SATB2: variants seen among roughly 807,000 people sequenced by gnomAD.
SATB2 encodes SATB homeobox 2, also known as DNA-binding protein SATB2.
In SATB2, 1 loss-of-function variant was observed where a neutral mutation model predicts 73.4. The observed-to-expected ratio is 0.01, with a 90% CI of 0.00 to 0.06. The LOEUF (loss-of-function observed/expected upper bound fraction) is 0.06, where lower values mean the gene tolerates loss of function less well. Ranked by LOEUF, SATB2 falls within the 10% of genes least tolerant of loss-of-function variation. The probability of loss-of-function intolerance (pLI) is 1.00; values close to 1 mark genes in which losing one functional copy is unlikely to be tolerated. For missense variants in SATB2, 459 were observed against 945.8 expected (o/e 0.49, Z 6.75); for synonymous variants, 397 against 367.0 (o/e 1.08, Z -0.93).
upstream of SATB2, chr2:199,459,663 A>C (rs948514041): frequency 6.6e-6 from 1 of 152,652 alleles, no homozygotes; most frequent in African/African-American, 2.4e-5. The surrounding 1 kb of genome is among the most constrained non-coding windows in gnomAD (Gnocchi z 4.2). Flanking sequence ...GCTCTCCCAC[A>C]TCTCCCGCAG....
chr2:199,465,486 A>G (rs1692576012), upstream of SATB2, among the ~76,000 whole-genome samples: 1 of 152,254 alleles, frequency 6.6e-6, no homozygotes, highest in Admixed American at 6.5e-5. Flanking sequence ...TCTATATGAT[A>G]AAACGTTGTA....
intron 10 of SATB2, among the ~76,000 whole-genome samples, chr2:199,287,999 A>C (rs1173664417): frequency 6.6e-6 from 1 of 152,186 alleles, no homozygotes; most frequent in Non-Finnish European, 1.5e-5. Context: ...TTTAGCACAA[A>C]TTTCTTTTAG....
chr2:199,373,263 G>A (rs116442814), intron 5 of SATB2, among the ~76,000 whole-genome samples: 2,073 of 151,904 alleles, frequency 0.014, 25 homozygotes, highest in Middle Eastern at 0.034. Flanking sequence ...GCTCATTTTC[G>A]GCCTTTTCAA....
intron 5 of SATB2, among the ~76,000 whole-genome samples, chr2:199,373,791 G>A (rs1433231164): frequency 2.0e-5 from 3 of 152,162 alleles, no homozygotes; most frequent in Admixed American, 6.5e-5. Context: ...ATGAGTCCAC[G>A]AGGTTGGGAC....
chr2:199,343,255 A>C (rs765110979), intron 7 of SATB2, among the ~76,000 whole-genome samples: 1 of 152,210 alleles, frequency 6.6e-6, no homozygotes, highest in African/African-American at 2.4e-5. Context: ...CAAATCCAGG[A>C]ACACAAAATA....
At chr2:199,380,251 A>T in intron 5 of SATB2, 113 bp downstream of exon 5, 1 of 1,317,578 alleles carries the variant, frequency 7.6e-7, no homozygotes, top group Non-Finnish European at 1.1e-6. Flanking sequence ...AATGCAGTTT[A>T]AGTCTATAAA....
At chr2:199,319,493 C>T (rs1434080542) in intron 9 of SATB2, among the ~76,000 whole-genome samples, 1 of 152,112 alleles carries the variant, frequency 6.6e-6, no homozygotes, top group Non-Finnish European at 1.5e-5. Flanking sequence ...TCTTTTTCCC[C>T]TTGTCTGTAT....
chr2:199,363,974 T>C (rs561205736), intron 6 of SATB2, among the ~76,000 whole-genome samples: 14 of 152,236 alleles, frequency 9.2e-5, no homozygotes, highest in Middle Eastern at 6.8e-3. Context: ...CAAAAGTAAG[T>C]TACTTTTACC....
chr2:199,407,288 C>CCA (rs770802921), intron 3 of SATB2, among the ~76,000 whole-genome samples: 1 of 77,536 alleles, frequency 1.3e-5, no homozygotes, highest in African/African-American at 4.5e-5. Context: ...TCTTGTCTCC[C>CCA]AAAAAAAAAA....
chr2:199,330,216 G>C (rs1371217751), intron 7 of SATB2, among the ~76,000 whole-genome samples: 2 of 152,174 alleles, frequency 1.3e-5, no homozygotes, highest in East Asian at 3.9e-4. Context: ...GGGAAAGGTA[G>C]GCAATGTTTT....
At position 199,271,386 on chromosome 2, in the gene SATB2, T is replaced by C. The variant is rs1692150118; in HGVS notation, c.*825A>G. 6.5e-6 allele frequency: 1 copy of C among 152,692 alleles called. No homozygotes were observed. Among genetic ancestry groups the C allele is most frequent in the Non-Finnish European group, 1.5e-5 (1 of 68,016 alleles). 9.5% of individuals were successfully genotyped at this position (152,692 alleles called of 1,614,324 possible). On this transcript the variant is annotated 3_prime_UTR_variant, in exon 11 of 11. Transcript: ENST00000417098. The stretch of plus-strand genomic sequence containing the variant: ...AATAACGGAACGTAGCAAGTCATTT[T>C]ATTGAGTCATTTTAAGTGTGCATTG...
chr2:199,380,858 C>T (rs555148017), intron 4 of SATB2, among the ~76,000 whole-genome samples: 1 of 152,230 alleles, frequency 6.6e-6, no homozygotes, highest in African/African-American at 2.4e-5. Flanking sequence ...ACAAACATCC[C>T]CTGTCAGATT....
intron 5 of SATB2, among the ~76,000 whole-genome samples, chr2:199,378,316 G>T (rs916294598): frequency 5.3e-5 from 8 of 152,168 alleles, no homozygotes; most frequent in Non-Finnish European, 8.8e-5. Context: ...TCCACACAAA[G>T]CCCATTTCGA....
At chr2:199,435,470 T>C (rs539819433) in intron 2 of SATB2, among the ~76,000 whole-genome samples, 1 of 152,064 alleles carries the variant, frequency 6.6e-6, no homozygotes, top group African/African-American at 2.4e-5. Context: ...TGCCTCAGCC[T>C]CCTGAGAAGC....
Position 199,463,551 on chromosome 2 carries a change from C to T in SATB2, c.-141+1285G>A, listed in dbSNP as rs1264292016. On this transcript the variant is annotated intron_variant, in intron 1 of 11. Transcript: ENST00000260926. This position sits in a 1 kb window ranked among gnomAD's most constrained non-coding sequence, Gnocchi z 6.4. ...CCCGGGTCCCGGCCCGGAGCCCCAG[C>T]GTCCTCTCCCGACAGCGCCACCGCG... Among the ~76,000 whole-genome samples, 3 of 152,180 alleles carry T rather than the reference C, an allele frequency of 2.0e-5. No homozygotes were observed. Among genetic ancestry groups the T allele is most frequent in the Middle Eastern group, 3.2e-3 (1 of 316 alleles).
chr2:199,365,179 T>C (rs918996131), intron 6 of SATB2, among the ~76,000 whole-genome samples: 2 of 152,074 alleles, frequency 1.3e-5, no homozygotes, highest in Non-Finnish European at 1.5e-5. Flanking sequence ...CAACTATTAA[T>C]ATTGGTCTTT....
chr2:199,443,443 A>G (rs1691876551), intron 2 of SATB2, among the ~76,000 whole-genome samples: 1 of 151,892 alleles, frequency 6.6e-6, no homozygotes, highest in Admixed American at 6.6e-5. Context: ...AAAAATTATT[A>G]AAAATTGAGA....
intron 7 of SATB2, among the ~76,000 whole-genome samples, chr2:199,333,644 AAG>A (rs1688254897): frequency 6.6e-6 from 1 of 151,986 alleles, no homozygotes; most frequent in Non-Finnish European, 1.5e-5. Context: ...AAAATATAAT[AAG>A]AGTCTACATT....
intron 3 of SATB2, among the ~76,000 whole-genome samples, chr2:199,409,036 C>T (rs903784398): frequency 6.6e-6 from 1 of 152,002 alleles, no homozygotes; most frequent in African/African-American, 2.4e-5. Context: ...CACTACTCAG[C>T]TATGTTATTT....
Sources: gnomAD v4.1 joint callset for allele counts (sites outside exome capture counted in the v4.1 genomes callset) on GRCh38, gnomAD v4.1.1 for gene constraint, Gnocchi (gnomAD v3.1) non-coding constraint, MANE v1.5 for transcripts, NCBI Gene and HGNC (gene_info 2026-07-23, HGNC 2026-07-21) for gene names.